The following IPCEF1 variants were observed in gnomAD, a reference collection of about 807,000 sequenced individuals.
IPCEF1 encodes the protein interactor protein for cytohesin exchange factors 1.
A neutral mutation model predicts 50.9 loss-of-function variants in IPCEF1; 31 were observed. That is an observed-to-expected ratio of 0.61 (90% CI 0.46 to 0.82). IPCEF1 has a LOEUF of 0.82. Among genes scored for constraint, IPCEF1 ranks in the 40% least tolerant of loss-of-function variants. IPCEF1 has a pLI of 0.00. For synonymous variants in IPCEF1, 181 were observed against 192.0 expected (o/e 0.94, Z 0.47); for missense variants, 458 against 514.0 (o/e 0.89, Z 1.05).
chr6:154,232,691 T>C (rs1779814835), intron 5 of IPCEF1, among the ~76,000 whole-genome samples: 1 of 152,150 alleles, frequency 6.6e-6, no homozygotes, highest in Non-Finnish European at 1.5e-5. Context: ...GATTTGGAAT[T>C]AATGTCTCGA....
At chr6:154,323,187 A>G (rs183007103) in intron 1 of IPCEF1, among the ~76,000 whole-genome samples, 28 of 152,016 alleles carry the variant, frequency 1.8e-4, no homozygotes, top group African/African-American at 6.7e-4. Context: ...CACTAGCCCC[A>G]GATCTCCACG....
chr6:154,168,532 C>T lies in IPCEF1; in HGVS notation c.911-419G>A, dbSNP rs1235425844. On this transcript the variant is annotated intron_variant, in intron 10 of 11. Transcript: ENST00000367220. This position sits in a 1 kb window ranked among gnomAD's most constrained non-coding sequence, Gnocchi z 4.1. ...GTTAAATCTGCAACAACCCCATTTC[C>T]CAATAAGGTCACATTCTGAGGTATT... 6.6e-6 allele frequency among the ~76,000 whole-genome samples: 1 copy of T among 152,066 alleles called. No homozygotes were observed. The highest frequency in any genetic ancestry group is 6.5e-5 in the Admixed American group (1 of 15,274).
At chr6:154,321,784 A>AT in intron 1 of IPCEF1, among the ~76,000 whole-genome samples, 1 of 126,148 alleles carries the variant, frequency 7.9e-6, no homozygotes, top group Non-Finnish European at 1.6e-5. Context: ...TTTCTAAAAA[A>AT]AAAAAAAAAA....
intron 1 of IPCEF1, among the ~76,000 whole-genome samples, chr6:154,312,875 A>G (rs1476870130): frequency 1.6e-4 from 24 of 151,980 alleles, no homozygotes; most frequent in Admixed American, 1.6e-3. Context: ...AACCATAAAT[A>G]TGTACAATTT....
intron 5 of IPCEF1, among the ~76,000 whole-genome samples, chr6:154,239,744 C>A (rs908363870): frequency 6.6e-6 from 1 of 152,220 alleles, no homozygotes; most frequent in South Asian, 2.1e-4. Context: ...CGCTCTGTCA[C>A]CCAGGCTGGA....
chr6:154,211,072 A>C (rs960042461), intron 9 of IPCEF1, among the ~76,000 whole-genome samples: 4 of 152,200 alleles, frequency 2.6e-5, no homozygotes, highest in African/African-American at 9.6e-5. Context: ...AACCTGTCAG[A>C]ACTTGCCATC....
intron 7 of IPCEF1, chr6:154,217,000 G>A (rs1443469567): frequency 1.3e-5 from 2 of 157,166 alleles, no homozygotes; most frequent in African/African-American, 4.8e-5. Flanking sequence ...AAATCTTTGT[G>A]TTCACTTTAA....
chr6:154,192,799 A>G (rs1464693272), intron 10 of IPCEF1, among the ~76,000 whole-genome samples: 4 of 152,340 alleles, frequency 2.6e-5, no homozygotes, highest in Non-Finnish European at 5.9e-5. Flanking sequence ...ATTGCCAGGG[A>G]AATGCAAATC....
chr6:154,265,693 CATGGT>C (rs1199074964), intron 3 of IPCEF1, among the ~76,000 whole-genome samples: 1 of 152,134 alleles, frequency 6.6e-6, no homozygotes, highest in Non-Finnish European at 1.5e-5. Context: ...ATATTAAAAC[CATGGT>C]ATGCAGCTTA....
chr6:154,204,650 T>C (rs1004426768), intron 9 of IPCEF1, among the ~76,000 whole-genome samples: 4 of 152,146 alleles, frequency 2.6e-5, no homozygotes, highest in African/African-American at 9.7e-5. Flanking sequence ...ATCCTTAGTA[T>C]CCATGTGACC....
At chr6:154,255,034 CTACA>C (rs1266238597) in intron 3 of IPCEF1, among the ~76,000 whole-genome samples, 1 of 152,056 alleles carries the variant, frequency 6.6e-6, no homozygotes, top group Non-Finnish European at 1.5e-5. Flanking sequence ...TTATTGCAGT[CTACA>C]TATTTATTTT....
intron 1 of IPCEF1, among the ~76,000 whole-genome samples, chr6:154,330,605 GA>G (rs767971621): frequency 3.8e-4 from 58 of 152,026 alleles, no homozygotes; most frequent in Non-Finnish European, 7.4e-4. Flanking sequence ...TTACAGCCAT[GA>G]CCTCCACGTC....
intron 1 of IPCEF1, among the ~76,000 whole-genome samples, chr6:154,329,599 GA>G (rs1302083197): frequency 1.1e-5 from 1 of 93,152 alleles, no homozygotes; most frequent in East Asian, 2.6e-4. Context: ...GCAAGAAAAA[GA>G]AAAAAAAAGA....
chr6:154,224,373 T>G (rs1046766623), intron 5 of IPCEF1, among the ~76,000 whole-genome samples: 1 of 152,168 alleles, frequency 6.6e-6, no homozygotes, highest in South Asian at 2.1e-4. Flanking sequence ...GTGACTCAAC[T>G]TATCTAAATT....
At chr6:154,293,177 G>A (rs112282044) in intron 1 of IPCEF1, among the ~76,000 whole-genome samples, 4,176 of 152,312 alleles carry the variant, frequency 0.027, 87 homozygotes, top group Non-Finnish European at 0.045. Context: ...TCTCTAAATA[G>A]ACATTCCAGC....
intron 1 of IPCEF1, among the ~76,000 whole-genome samples, chr6:154,346,303 T>A (rs1784028370): frequency 6.6e-6 from 1 of 152,210 alleles, no homozygotes; most frequent in East Asian, 1.9e-4. Context: ...GGCAATAAAA[T>A]GCATTCTATA....
intron 1 of IPCEF1, among the ~76,000 whole-genome samples, chr6:154,309,314 C>G (rs1279680872): frequency 6.6e-6 from 1 of 152,104 alleles, no homozygotes; most frequent in East Asian, 1.9e-4. Flanking sequence ...GTATCTGTCC[C>G]CCCACTCTAT....
At chr6:154,336,611 C>CT (rs564400883) in intron 1 of IPCEF1, among the ~76,000 whole-genome samples, 14 of 150,438 alleles carry the variant, frequency 9.3e-5, no homozygotes, top group South Asian at 4.2e-4. Flanking sequence ...TCTTTTTTTT[C>CT]TTTTTTTTTG....
At chr6:154,257,478 C>A (rs1781490857) in intron 3 of IPCEF1, among the ~76,000 whole-genome samples, 1 of 152,148 alleles carries the variant, frequency 6.6e-6, no homozygotes, top group African/African-American at 2.4e-5. Context: ...GCCTAACTAT[C>A]ATTTTTGGCT....
Sources: allele counts gnomAD v4.1 joint callset (sites outside exome capture counted in the v4.1 genomes callset), GRCh38; gene constraint gnomAD v4.1.1; non-coding constraint Gnocchi (gnomAD v3.1); transcripts MANE v1.5; gene names NCBI Gene and HGNC (gene_info 2026-07-23, HGNC 2026-07-21).